The following RBM41 variants were observed in gnomAD, a reference collection of about 807,000 sequenced individuals.
RBM41 encodes RNA binding motif protein 41.
A neutral mutation model predicts 30.8 loss-of-function variants in RBM41; 14 were observed. The ratio of observed to expected loss-of-function variants is 0.45; its 90% CI spans 0.30 to 0.71. The LOEUF (loss-of-function observed/expected upper bound fraction) is 0.71. RBM41 is among the 30% of genes least tolerant of loss of function. The pLI is 0.08. For synonymous variants in RBM41, 120 were observed against 110.1 expected, an observed-to-expected ratio of 1.09 and a Z score of -0.56; for missense variants, 276 against 326.3, an observed-to-expected ratio of 0.85 and a Z score of 1.19.
rs1053398150 is a variant in RBM41, at chrX:107,062,378, T to C, written c.*5149A>G. On this transcript the variant is annotated 3_prime_UTR_variant, in exon 8 of 8. Transcript: ENST00000685964. ...CTAGTAAAAAGCAGAGGTGAAATTT[T>C]CTACCTAACAGGAAGCACTTCCTTC... 9.0e-6 allele frequency among the ~76,000 whole-genome samples: 1 copy of C among 111,685 alleles called. No individual in the cohort carries two copies. Among genetic ancestry groups the C allele is most frequent in the Non-Finnish European group, 1.9e-5 (1 of 53,153 alleles).
intron 6 of RBM41, among the ~76,000 whole-genome samples, chrX:107,079,239 A>G (rs1921281896): frequency 8.9e-6 from 1 of 112,294 alleles, no homozygotes; most frequent in South Asian, 3.7e-4. Flanking sequence ...ATTAAGTTAA[A>G]CATGAGTTCA....
In RBM41 at chrX:107,115,812, C is replaced by T. The variant is rs372126712; in HGVS notation, c.318+50G>A. 78 of 1,115,680 alleles carry T rather than the reference C, an allele frequency of 7.0e-5. No individual in the cohort carries two copies. The African/African-American group carries it at 1.3e-3, about 18-fold the overall frequency. The allele number at this position is 1,115,680 out of a possible 1,213,427, so 91.9% of individuals were successfully genotyped here. A position where few individuals can be genotyped will look rare whatever the true frequency, so the allele number is the denominator to read the frequency against. ...AGTGCTAAAATGAAGATATTTTGCTCTGTTTCTTTGAGGAGAAAAACCAAC... is the reference window on the plus strand; with the variant it reads ...AGTGCTAAAATGAAGATATTTTGCTTTGTTTCTTTGAGGAGAAAAACCAAC... On this transcript the variant is annotated intron_variant, in intron 3 of 7. Coordinates refer to ENST00000685964, the MANE Select transcript of RBM41 (RefSeq NM_001324242.2).
At chrX:107,115,243 A>T in intron 4 of RBM41, 109 bp downstream of exon 4, 1 of 815,989 alleles carries the variant, frequency 1.2e-6, no homozygotes, top group Non-Finnish European at 1.8e-6. Flanking sequence ...AAAAGTAGTG[A>T]CAATTTGTCT....
chrX:107,085,428 G>A (rs976179280), intron 6 of RBM41, among the ~76,000 whole-genome samples: 10 of 108,750 alleles, frequency 9.2e-5, no homozygotes, highest in Non-Finnish European at 1.1e-4. Flanking sequence ...CATCAAACTC[G>A]GCTAATTTTT....
chrX:107,084,813 A>AT (rs1472513968), intron 6 of RBM41, among the ~76,000 whole-genome samples: 1 of 112,109 alleles, frequency 8.9e-6, no homozygotes, highest in Non-Finnish European at 1.9e-5. Flanking sequence ...AAAGTCATTG[A>AT]TTTTTAGTTT....
intron 5 of RBM41, 142 bp from the exon 6 acceptor site, chrX:107,088,981 G>T: frequency 2.3e-6 from 2 of 874,026 alleles, no homozygotes; most frequent in East Asian, 6.7e-5. Context: ...AATGACAATG[G>T]TAAATAGTTA....
At chrX:107,054,832 G>T in the RBM41 span, among the ~76,000 whole-genome samples, 1 of 111,948 alleles carries the variant, frequency 8.9e-6, no homozygotes, top group Admixed American at 9.5e-5. Flanking sequence ...TGGCTTGATG[G>T]CACAAGGTTT....
chrX:107,109,256 C>T (rs1924256776), intron 5 of RBM41, among the ~76,000 whole-genome samples: 2 of 111,405 alleles, frequency 1.8e-5, no homozygotes, highest in Admixed American at 1.9e-4. Flanking sequence ...CCTTAACAGA[C>T]TCTAATTAAA....
intron 5 of RBM41, among the ~76,000 whole-genome samples, chrX:107,103,357 T>C (rs188753052): frequency 1.8e-5 from 2 of 111,123 alleles, no homozygotes; most frequent in Admixed American, 1.9e-4. Context: ...AAAACACAGA[T>C]ACATGAGAAT....
chrX:107,090,330 C>T (rs745759741), intron 5 of RBM41, among the ~76,000 whole-genome samples: 4 of 111,420 alleles, frequency 3.6e-5, no homozygotes, highest in East Asian at 2.8e-4. Flanking sequence ...GCCGAGATCG[C>T]GCCACTGCAC....
At chrX:107,101,359 T>C (rs781254008) in intron 5 of RBM41, among the ~76,000 whole-genome samples, 1 of 111,623 alleles carries the variant, frequency 9.0e-6, no homozygotes, top group Non-Finnish European at 1.9e-5. Flanking sequence ...TTAAATAGAA[T>C]CCTCCCAAAA....
rs187548363 is a variant in RBM41 at position 107,104,507 on chromosome X, T to C, written c.595+8890A>G. On this transcript the variant is annotated intron_variant, in intron 5 of 7. Coordinates refer to ENST00000685964, the MANE Select transcript of RBM41 (RefSeq NM_001324242.2). Reference sequence around the variant, plus strand: ...TTTTCCCATTAGGATATCAAAAATATTAACATATTATATTATCTATTTAAT... The same window carrying C: ...TTTTCCCATTAGGATATCAAAAATACTAACATATTATATTATCTATTTAAT... 1.1e-4 allele frequency among the ~76,000 whole-genome samples: 12 copies of C among 111,653 alleles called. No homozygotes were observed. The East Asian group carries it at 3.1e-3, about 29-fold the overall frequency.
Position 107,065,480 on chromosome X carries a change from A to G in RBM41, c.*2047T>C, listed in dbSNP as rs1210583883. On this transcript the variant is annotated 3_prime_UTR_variant, in exon 8 of 8. Coordinates refer to ENST00000685964, the MANE Select transcript of RBM41 (RefSeq NM_001324242.2). ...ACACTAACTTAATTCCAATGTAACA[A>G]CCCTATTCCTATATAAACCCATCCC... The G allele has an allele frequency of 2.3e-5, 5 of 214,430 alleles. No homozygotes were observed. The East Asian group carries it at 4.1e-4, about 17-fold the overall frequency. 17.7% of individuals were successfully genotyped at this position (214,430 alleles called of 1,213,427 possible).
downstream of RBM41, among the ~76,000 whole-genome samples, chrX:107,060,781 C>T (rs1935626865): frequency 9.0e-6 from 1 of 111,069 alleles, no homozygotes; most frequent in South Asian, 3.8e-4. Context: ...ATTTGAACAG[C>T]CTCAGTGCAT....
At chrX:107,060,765 C>T (rs1055235329), downstream of RBM41, among the ~76,000 whole-genome samples, 3 of 111,040 alleles carry the variant, frequency 2.7e-5, no homozygotes, top group Non-Finnish European at 5.7e-5. Flanking sequence ...TGATGGGAAA[C>T]AGAATATTTG....
At position 107,088,728 on chromosome X, in the gene RBM41, G is replaced by C; in HGVS notation, c.707C>G (p.Pro236Arg). ...LEEFQLMRGE[P>R]FASHSLVSAT... Reference sequence around the variant, plus strand: ...TGAGACCAGTGAGTGGGAAGCAAAGGGTTCACCTCTCATAAGTTGAAACTC... The same window carrying C: ...TGAGACCAGTGAGTGGGAAGCAAAGCGTTCACCTCTCATAAGTTGAAACTC... The change falls in exon 6 of 8, where the codon CCC (proline) becomes CGC (arginine). Residue 236 changes from proline (P) to arginine (R), a missense_variant. By Grantham distance (103) the Pro-to-Arg change is moderately radical (BLOSUM62 -2). Coordinates refer to ENST00000685964, the MANE Select transcript of RBM41 (RefSeq NM_001324242.2). The C allele has an allele frequency of 3.3e-6, 4 of 1,211,082 alleles. No homozygotes were observed. Among genetic ancestry groups the C allele is most frequent in the Non-Finnish European group, 4.5e-6 (4 of 895,339 alleles).
At chrX:107,079,228 T>C (rs1304701097) in intron 6 of RBM41, among the ~76,000 whole-genome samples, 5 of 112,268 alleles carry the variant, frequency 4.5e-5, no homozygotes, top group African/African-American at 1.6e-4. Context: ...CTTATATCTA[T>C]ATTAAGTTAA....
intron 4 of RBM41, chrX:107,115,135 C>A (rs1275017019): frequency 4.7e-6 from 2 of 423,493 alleles, no homozygotes; most frequent in African/African-American, 5.0e-5. Context: ...TCTGCACTAC[C>A]TCAGCATTTT....
At chrX:107,104,996 T>C (rs1476093110) in intron 5 of RBM41, among the ~76,000 whole-genome samples, 7 of 109,932 alleles carry the variant, frequency 6.4e-5, no homozygotes, top group African/African-American at 1.7e-4. Flanking sequence ...CTATTCAACA[T>C]AGTGTTGGAA....
Sources: allele counts gnomAD v4.1 joint callset (sites outside exome capture counted in the v4.1 genomes callset), GRCh38; gene constraint gnomAD v4.1.1; transcripts MANE v1.5; gene names NCBI Gene and HGNC (gene_info 2026-07-23, HGNC 2026-07-21).